Variants in ZNF407 observed in about 807,000 individuals in gnomAD.
ZNF407 encodes zinc finger protein 407.
In ZNF407, 17 loss-of-function variants were observed where a neutral mutation model predicts 131.2. The ratio of observed to expected loss-of-function variants is 0.13; its 90% CI spans 0.09 to 0.19. The LOEUF is 0.19. Ranked by LOEUF, ZNF407 falls within the 10% of genes least tolerant of loss-of-function variation. ZNF407 has a pLI of 1.00. For missense variants in ZNF407, 2,681 were observed against 2,830.6 expected (o/e 0.95, Z 1.20); for synonymous variants, 1,156 against 1,062.0 (o/e 1.09, Z -1.72).
chr18:74,850,977 A>C lies in ZNF407; in HGVS notation c.4878-26220A>C, dbSNP rs74531852. On this transcript the variant is annotated intron_variant, in intron 4 of 8. Coordinates refer to ENST00000299687, the MANE Select transcript of ZNF407 (RefSeq NM_017757.3). ...ATTAGAATTCAAACTGTATATCTGG[A>C]GGTCCATAAAAATAATTCCCCTGAT... Among the ~76,000 whole-genome samples, 77 of 152,310 alleles carry C rather than the reference A, an allele frequency of 5.1e-4. No individual in the cohort carries two copies. In the East Asian group the frequency reaches 0.015, roughly 29 times the overall value.
intron 8 of ZNF407, among the ~76,000 whole-genome samples, chr18:74,978,446 G>T (rs1033686177): frequency 6.6e-6 from 1 of 152,140 alleles, no homozygotes; most frequent in Admixed American, 6.5e-5. Flanking sequence ...GAAAGACAAA[G>T]ATGGAGGCAA....
intron 3 of ZNF407, among the ~76,000 whole-genome samples, chr18:74,772,893 C>T (rs1969391505): frequency 6.6e-6 from 1 of 151,858 alleles, no homozygotes; most frequent in East Asian, 1.9e-4. Flanking sequence ...GTCTTGGTAG[C>T]AAAAAATTAT....
At chr18:74,946,341 A>G (rs1972153525) in intron 8 of ZNF407, among the ~76,000 whole-genome samples, 1 of 152,122 alleles carries the variant, frequency 6.6e-6, no homozygotes, top group South Asian at 2.1e-4. Context: ...TAACCATGGC[A>G]TTTGTTCTCT....
intron 3 of ZNF407, among the ~76,000 whole-genome samples, chr18:74,687,660 G>A (rs1034071512): frequency 4.6e-5 from 7 of 152,150 alleles, no homozygotes; most frequent in African/African-American, 1.7e-4. Context: ...ATATCTATAT[G>A]TCTTTTCTTA....
chr18:74,670,771 G>A (rs1185808338), intron 3 of ZNF407, among the ~76,000 whole-genome samples: 1 of 152,088 alleles, frequency 6.6e-6, no homozygotes, highest in Non-Finnish European at 1.5e-5. Context: ...TTTAACTCCT[G>A]GGTCCTGCCT....
At chr18:75,052,025 C>G (rs1447472173) in intron 8 of ZNF407, among the ~76,000 whole-genome samples, 1 of 152,140 alleles carries the variant, frequency 6.6e-6, no homozygotes, top group Non-Finnish European at 1.5e-5. Context: ...TCAGGAGAGG[C>G]TCTGGGGAAG....
intron 8 of ZNF407, among the ~76,000 whole-genome samples, chr18:75,028,555 G>T (rs1465611940): frequency 6.6e-6 from 1 of 152,196 alleles, no homozygotes; most frequent in Non-Finnish European, 1.5e-5. Context: ...GCTCCTAACA[G>T]ACTTAAAATA....
At chr18:74,663,493 C>T (rs1021317420) in intron 3 of ZNF407, among the ~76,000 whole-genome samples, 20 of 152,044 alleles carry the variant, frequency 1.3e-4, no homozygotes, top group African/African-American at 4.3e-4. Flanking sequence ...AATGTAAGGT[C>T]CTATATTTCA....
chr18:74,761,382 C>T (rs553738703), intron 3 of ZNF407, among the ~76,000 whole-genome samples: 2 of 151,912 alleles, frequency 1.3e-5, no homozygotes, highest in African/African-American at 2.4e-5. Context: ...TTAGGTATAC[C>T]ATGAGATTTT....
At chr18:75,044,735 A>G (rs573299565) in intron 8 of ZNF407, among the ~76,000 whole-genome samples, 77 of 152,352 alleles carry the variant, frequency 5.1e-4, no homozygotes, top group African/African-American at 1.8e-3. Flanking sequence ...TATGCAAGAT[A>G]TGACTAAAGC....
intron 7 of ZNF407, among the ~76,000 whole-genome samples, chr18:74,912,223 TG>T (rs1971683367): frequency 6.6e-6 from 1 of 152,160 alleles, no homozygotes; most frequent in African/African-American, 2.4e-5. Flanking sequence ...AGAAATTACC[TG>T]GGTATGTCAT....
At chr18:74,799,128 G>A (rs1344566852) in intron 4 of ZNF407, among the ~76,000 whole-genome samples, 1 of 152,048 alleles carries the variant, frequency 6.6e-6, no homozygotes, top group Non-Finnish European at 1.5e-5. Flanking sequence ...AAATTTTTAG[G>A]TTGACTAATA....
At chr18:75,018,825 C>T (rs1216804526) in intron 8 of ZNF407, among the ~76,000 whole-genome samples, 8 of 151,962 alleles carry the variant, frequency 5.3e-5, no homozygotes, top group Non-Finnish European at 1.2e-4. Context: ...GCAGATTTTG[C>T]AAATTTGGAA....
intron 8 of ZNF407, among the ~76,000 whole-genome samples, chr18:75,010,901 A>C (rs1319341893): frequency 6.6e-6 from 1 of 152,164 alleles, no homozygotes. Flanking sequence ...CATACTATCA[A>C]ATAATGGCTC....
chr18:74,882,886 A>T (rs767106493), intron 6 of ZNF407, among the ~76,000 whole-genome samples: 3 of 152,222 alleles, frequency 2.0e-5, no homozygotes, highest in Admixed American at 2.0e-4. Context: ...TTCACTTTTA[A>T]TCAGTGCTCA....
intron 8 of ZNF407, among the ~76,000 whole-genome samples, chr18:74,923,343 T>G (rs1971871464): frequency 6.6e-6 from 1 of 151,682 alleles, no homozygotes; most frequent in Non-Finnish European, 1.5e-5. Flanking sequence ...ATAATGCAAA[T>G]CCACTACCAG....
chr18:74,818,865 T>TA (rs11392274), intron 4 of ZNF407, among the ~76,000 whole-genome samples: 112,865 of 139,502 alleles, frequency 0.81, 46,304 homozygotes, highest in Non-Finnish European at 0.88. Flanking sequence ...CATTGAACAG[T>TA]AAAAAAAAAA....
chr18:74,833,070 T>C (rs1447495531), intron 4 of ZNF407, among the ~76,000 whole-genome samples: 1 of 152,138 alleles, frequency 6.6e-6, no homozygotes, highest in Admixed American at 6.6e-5. Context: ...AGTTTGGGCA[T>C]TTTAGAGCCA....
chr18:74,991,816 A>G (rs1821605145), intron 8 of ZNF407, among the ~76,000 whole-genome samples: 1 of 152,238 alleles, frequency 6.6e-6, no homozygotes, highest in South Asian at 2.1e-4. Context: ...ACTAATGTTC[A>G]GCCAAGTCCC....
Sources: gnomAD v4.1 joint callset for allele counts (sites outside exome capture counted in the v4.1 genomes callset) on GRCh38, gnomAD v4.1.1 for gene constraint, MANE v1.5 for transcripts, NCBI Gene and HGNC (gene_info 2026-07-23, HGNC 2026-07-21) for gene names.